Variants in YAP1 observed in about 807,000 individuals in gnomAD.
YAP1 encodes transcriptional coactivator YAP1.
Under a neutral mutation model 56.9 loss-of-function variants are expected in YAP1, and 5 were observed. The ratio of observed to expected loss-of-function variants is 0.09; its 90% CI spans 0.05 to 0.18. The LOEUF (loss-of-function observed/expected upper bound fraction) is 0.18, where lower values mean the gene tolerates loss of function less well. Among genes scored for constraint, YAP1 ranks in the 10% least tolerant of loss-of-function variants. The probability of loss-of-function intolerance (pLI) is 1.00; values close to 1 mark genes in which losing one functional copy is unlikely to be tolerated. For missense variants in YAP1, 539 were observed against 651.8 expected, an observed-to-expected ratio of 0.83 and a Z score of 1.88; for synonymous variants, 265 against 248.1, an observed-to-expected ratio of 1.07 and a Z score of -0.64.
At chr11:102,203,076 A>G (rs1197571116) in intron 4 of YAP1, among the ~76,000 whole-genome samples, 1 of 152,206 alleles carries the variant, frequency 6.6e-6, no homozygotes, top group African/African-American at 2.4e-5. Flanking sequence ...GTGTATTAAA[A>G]CAGTGGTCCT....
intron 1 of YAP1, chr11:102,112,843 A>G: frequency 1.1e-6 from 1 of 893,646 alleles, no homozygotes; most frequent in Non-Finnish European, 1.3e-6. Flanking sequence ...GTATGTTTTC[A>G]AAGTATAATA....
intron 2 of YAP1, among the ~76,000 whole-genome samples, chr11:102,141,725 T>A (rs936579826): frequency 1.3e-5 from 2 of 152,224 alleles, no homozygotes; most frequent in African/African-American, 4.8e-5. Flanking sequence ...GTTAAAAAAA[T>A]TTCCTCTCAT....
intron 3 of YAP1, among the ~76,000 whole-genome samples, chr11:102,170,892 T>A (rs1946862256): frequency 6.6e-6 from 1 of 150,526 alleles, no homozygotes; most frequent in Admixed American, 6.7e-5. Flanking sequence ...TCGTTTGAAC[T>A]CGGGAGGCAG....
intron 2 of YAP1, among the ~76,000 whole-genome samples, chr11:102,161,218 C>T (rs7128679): frequency 8.6e-4 from 131 of 151,576 alleles, no homozygotes; most frequent in East Asian, 7.0e-3. Flanking sequence ...CCCGCCACCA[C>T]GCCTGGCTAA....
intron 6 of YAP1, among the ~76,000 whole-genome samples, chr11:102,212,141 T>G (rs1949433543): frequency 6.6e-6 from 1 of 152,250 alleles, no homozygotes; most frequent in South Asian, 2.1e-4. Flanking sequence ...GACGCTGTTG[T>G]AAAGTTACTG....
rs1271466291 is a variant in YAP1 at position 102,206,048 on chromosome 11, C to T, written c.958C>T (p.Leu320=). The change falls in exon 5 of 9, where the codon CTG becomes TTG. Residue 320 remains leucine (L), a synonymous_variant. Coordinates refer to ENST00000282441, the MANE Select transcript of YAP1 (RefSeq NM_001130145.3). ...GCAGATGGAGAAGGAGAGGCTGCGG[C>T]TGAAACAGCAAGAACTGCTTCGGCA... is the stretch of plus-strand genomic sequence containing the variant. ...QLQMEKERLR[L]KQQELLRQAM... 10 of 1,613,726 alleles carry T rather than the reference C, an allele frequency of 6.2e-6. No homozygotes were observed. Among genetic ancestry groups the T allele is most frequent in the African/African-American group, 2.7e-5 (2 of 74,922 alleles).
At chr11:102,154,933 A>G (rs1299171473) in intron 2 of YAP1, among the ~76,000 whole-genome samples, 3 of 152,192 alleles carry the variant, frequency 2.0e-5, no homozygotes, top group African/African-American at 7.2e-5. Flanking sequence ...ATCAGATATT[A>G]TTTTATTTAC....
intron 4 of YAP1, among the ~76,000 whole-genome samples, chr11:102,195,424 A>G (rs1948523724): frequency 6.6e-6 from 1 of 152,178 alleles, no homozygotes; most frequent in Admixed American, 6.5e-5. Context: ...AAAGATGTGA[A>G]AACTTTAATC....
rs142067544 is a variant in YAP1 at position 102,160,113 on chromosome 11, C to T, written c.573-2343C>T. Among the ~76,000 whole-genome samples the T allele has an allele frequency of 7.1e-3, 1,069 of 150,758 alleles. 12 individuals are homozygous for T. Among genetic ancestry groups the T allele is most frequent in the African/African-American group, 0.025 (1,017 of 40,966 alleles). On this transcript the variant is annotated intron_variant, in intron 2 of 8. Transcript: ENST00000282441. Reference sequence around the variant, plus strand: ...ATCTTGGCTCATCGCAACCTCTGCCCCCTGGGTTTAAGCGATTCTCCTGCC... The same window carrying T: ...ATCTTGGCTCATCGCAACCTCTGCCTCCTGGGTTTAAGCGATTCTCCTGCC...
At chr11:102,201,095 TA>T (rs1455835613) in intron 4 of YAP1, among the ~76,000 whole-genome samples, 1 of 152,208 alleles carries the variant, frequency 6.6e-6, no homozygotes, top group Non-Finnish European at 1.5e-5. Context: ...AAAGATATAG[TA>T]GCAGAAATAC....
chr11:102,218,100 A>G (rs1257639921), intron 6 of YAP1, among the ~76,000 whole-genome samples: 2 of 152,220 alleles, frequency 1.3e-5, no homozygotes, highest in East Asian at 1.9e-4. Flanking sequence ...TATCCGTTAT[A>G]TATCAAAAAG....
Position 102,232,137 on chromosome 11 carries a change from ATGT to A in YAP1, c.*2203_*2205del, listed in dbSNP as rs927388900. 5 of 152,120 alleles carry A rather than the reference ATGT, an allele frequency of 3.3e-5. No individual in the cohort carries two copies. The highest frequency in any genetic ancestry group is 7.4e-5 in the Non-Finnish European group (5 of 68,002). 9.4% of individuals were successfully genotyped at this position (152,120 alleles called of 1,614,324 possible). A position where few individuals can be genotyped will look rare whatever the true frequency, so the allele number is the denominator to read the frequency against. Reference sequence around the variant, plus strand: ...AAATTGGGTATATGAATTACATAGCATGTTGTTGGGATTTTTTTTAATGTGCAG... The same window carrying A: ...AAATTGGGTATATGAATTACATAGCATGTTGGGATTTTTTTTAATGTGCAG... On this transcript the variant is annotated 3_prime_UTR_variant, in exon 9 of 9. Coordinates refer to ENST00000282441, the MANE Select transcript of YAP1 (RefSeq NM_001130145.3).
intron 6 of YAP1, among the ~76,000 whole-genome samples, chr11:102,216,687 G>T (rs1037153238): frequency 6.6e-6 from 1 of 152,152 alleles, no homozygotes; most frequent in African/African-American, 2.4e-5. Context: ...TCTCTAAGAA[G>T]TTTTTGGATT....
At position 102,110,658 on chromosome 11, in the gene YAP1, A is replaced by AGGGCGG; in HGVS notation, c.-184_-179dup. The AGGGCGG allele has an allele frequency of 3.1e-6, 1 of 324,176 alleles. No individual in the cohort carries two copies. Among genetic ancestry groups the AGGGCGG allele is most frequent in the African/African-American group, 2.3e-5 (1 of 44,276 alleles). The allele number at this position is 324,176 out of a possible 1,614,324, so 20.1% of individuals were successfully genotyped here. On this transcript the variant is annotated 5_prime_UTR_variant, in exon 1 of 9. Transcript: ENST00000282441. ...CGCCAGACCAGTGGAGCCGGGGCGC[A>AGGGCGG]GGGCGGGGGCGGAGGCGCCGGGGCG...
chr11:102,188,261 C>T (rs569172384), intron 4 of YAP1, among the ~76,000 whole-genome samples: 24 of 152,202 alleles, frequency 1.6e-4, no homozygotes, highest in Non-Finnish European at 2.2e-4. Context: ...GTTTGCTTTT[C>T]GATATTCTTC....
chr11:102,187,479 A>G (rs1948033720), intron 4 of YAP1, among the ~76,000 whole-genome samples: 1 of 152,228 alleles, frequency 6.6e-6, no homozygotes, highest in Non-Finnish European at 1.5e-5. Context: ...GAATTTAATA[A>G]ATGCGGCCAA....
chr11:102,145,458 A>G (rs1945273069), intron 2 of YAP1, among the ~76,000 whole-genome samples: 1 of 152,178 alleles, frequency 6.6e-6, no homozygotes, highest in East Asian at 1.9e-4. Context: ...GTTGCTATCA[A>G]ATGTGGAAAG....
At chr11:102,111,210 G>A (rs1302967633) in intron 1 of YAP1, 41 bp downstream of exon 1, 3 of 1,605,862 alleles carry the variant, frequency 1.9e-6, no homozygotes, top group Non-Finnish European at 1.7e-6. Flanking sequence ...CGTCGGGCGG[G>A]CCTCAGACCG....
rs182499597 is a variant in YAP1, at chr11:102,208,456, C to A, written c.985-1061C>A. Among the ~76,000 whole-genome samples, 28 of 152,112 alleles carry A rather than the reference C, an allele frequency of 1.8e-4. No homozygotes were observed. In the East Asian group the frequency reaches 4.3e-3, roughly 23 times the overall value. On this transcript the variant is annotated intron_variant, in intron 5 of 8. Transcript: ENST00000282441. ...AGAGGGGAAGTTTTCCTTTTGGCCCCTATAAAGTGATCTTGAAAGAAATGT... is the reference window on the plus strand; with the variant it reads ...AGAGGGGAAGTTTTCCTTTTGGCCCATATAAAGTGATCTTGAAAGAAATGT...
Sources: allele counts gnomAD v4.1 joint callset (sites outside exome capture counted in the v4.1 genomes callset), GRCh38; gene constraint gnomAD v4.1.1; transcripts MANE v1.5; gene names NCBI Gene and HGNC (gene_info 2026-07-23, HGNC 2026-07-21).